Variants in SLC2A9 observed in about 807,000 individuals in gnomAD.
SLC2A9 encodes the protein solute carrier family 2 member 9.
SLC2A9 carries 39 observed loss-of-function variants against 50.6 expected under a neutral mutation model. The observed-to-expected ratio is 0.77, with a 90% CI of 0.60 to 1.01. The LOEUF is 1.01. Among genes scored for constraint, SLC2A9 ranks in the 50% least tolerant of loss-of-function variants. The pLI is 0.00. For missense variants in SLC2A9, 686 were observed against 677.6 expected, an observed-to-expected ratio of 1.01 and a Z score of -0.14; for synonymous variants, 324 against 276.9, an observed-to-expected ratio of 1.17 and a Z score of -1.69.
chr4:9,912,238 T>C (rs1454854787), intron 7 of SLC2A9, among the ~76,000 whole-genome samples: 1 of 151,944 alleles, frequency 6.6e-6, no homozygotes. Context: ...CATGTATACA[T>C]ATGTAACAAA....
At chr4:9,933,858 C>T (rs1746581736) in intron 6 of SLC2A9, among the ~76,000 whole-genome samples, 1 of 152,164 alleles carries the variant, frequency 6.6e-6, no homozygotes, top group Admixed American at 6.5e-5. Context: ...GGTCCCATTC[C>T]TCCATCTTCA....
chr4:9,778,915 A>G (rs1216771750), downstream of SLC2A9, among the ~76,000 whole-genome samples: 1 of 151,488 alleles, frequency 6.6e-6, no homozygotes, highest in Non-Finnish European at 1.5e-5. Flanking sequence ...TGCCTCCCGC[A>G]CACCACCATG....
chr4:9,902,964 T>A (rs1034455023), intron 8 of SLC2A9, among the ~76,000 whole-genome samples: 1 of 152,212 alleles, frequency 6.6e-6, no homozygotes, highest in Non-Finnish European at 1.5e-5. Context: ...ATGATTCCCA[T>A]GACAATACCT....
At chr4:9,776,456 C>A (rs1032741458), downstream of SLC2A9, among the ~76,000 whole-genome samples, 1 of 151,966 alleles carries the variant, frequency 6.6e-6, no homozygotes, top group Non-Finnish European at 1.5e-5. Context: ...ACCCCAGCTA[C>A]CTTGGACATC....
At chr4:9,816,846 T>TA (rs35268641) in intron 3 of SLC2A9, among the ~76,000 whole-genome samples, 81,011 of 151,782 alleles carry the variant, frequency 0.53, 22,950 homozygotes, top group Non-Finnish European at 0.65. Flanking sequence ...GACACGCACA[T>TA]ACACCCTCTT....
intron 10 of SLC2A9, among the ~76,000 whole-genome samples, chr4:9,845,843 G>A (rs2109266077): frequency 6.6e-6 from 1 of 152,276 alleles, no homozygotes; most frequent in South Asian, 2.1e-4. Context: ...TAAGCACCAT[G>A]TTTAAAAATA....
chr4:9,919,121 G>C (rs538915261), intron 7 of SLC2A9, among the ~76,000 whole-genome samples: 1 of 152,246 alleles, frequency 6.6e-6, no homozygotes, highest in South Asian at 2.1e-4. Flanking sequence ...TCAGGTGTTA[G>C]CTTGAAGAAA....
intron 3 of SLC2A9, among the ~76,000 whole-genome samples, chr4:9,989,884 G>A (rs1409229679): frequency 6.6e-6 from 1 of 151,874 alleles, no homozygotes; most frequent in Non-Finnish European, 1.5e-5. Flanking sequence ...CCTCTGCTTG[G>A]AGAGCTATTT....
chr4:9,962,221 A>T (rs929991740), intron 5 of SLC2A9, among the ~76,000 whole-genome samples: 1 of 152,252 alleles, frequency 6.6e-6, no homozygotes, highest in African/African-American at 2.4e-5. Context: ...TACTGGGTAT[A>T]TACCCAAATG....
intron 1 of SLC2A9, among the ~76,000 whole-genome samples, chr4:10,032,648 G>T (rs1373476721): frequency 6.6e-6 from 1 of 152,120 alleles, no homozygotes; most frequent in African/African-American, 2.4e-5. Flanking sequence ...CTAATCCAAG[G>T]ATCACAGGAG....
chr4:9,810,737 C>G (rs1300493707), intron 3 of SLC2A9, among the ~76,000 whole-genome samples: 1 of 152,194 alleles, frequency 6.6e-6, no homozygotes. Flanking sequence ...TAAGTATTTG[C>G]CATTTCTGGC....
At chr4:9,826,174 A>G, downstream of SLC2A9, 1 of 557,988 alleles carries the variant, frequency 1.8e-6, no homozygotes, top group Non-Finnish European at 3.2e-6. Context: ...TGCAGCTTCC[A>G]GAAGGGTTTG....
chr4:9,782,203 C>T, intron 3 of SLC2A9: 3 of 1,610,196 alleles, frequency 1.9e-6, no homozygotes, highest in African/African-American at 1.3e-5. Context: ...TGCTGGGCAA[C>T]GTGCTGGTGT....
At chr4:9,943,848 G>A (rs534588079) in intron 5 of SLC2A9, among the ~76,000 whole-genome samples, 25 of 152,196 alleles carry the variant, frequency 1.6e-4, no homozygotes, top group Admixed American at 3.9e-4. Flanking sequence ...CTCCTACCAC[G>A]TGCCGGATGT....
chr4:10,012,569 G>A (rs1285305146), intron 2 of SLC2A9, among the ~76,000 whole-genome samples: 4 of 152,156 alleles, frequency 2.6e-5, no homozygotes, highest in Admixed American at 6.5e-5. Context: ...AAATAAATTC[G>A]GTGAGGGCTA....
intron 10 of SLC2A9, among the ~76,000 whole-genome samples, chr4:9,869,775 G>C (rs1028787956): frequency 6.6e-6 from 1 of 152,258 alleles, no homozygotes; most frequent in Non-Finnish European, 1.5e-5. Context: ...GTTTTTGGTA[G>C]AGGAGGCCAA....
At chr4:9,940,373 C>T (rs954988602) in intron 6 of SLC2A9, among the ~76,000 whole-genome samples, 2 of 152,138 alleles carry the variant, frequency 1.3e-5, no homozygotes, top group African/African-American at 2.4e-5. Context: ...TCTCTGTGCA[C>T]GAGGGGTGTT....
rs139725113 is a variant in SLC2A9 at position 9,854,956 on chromosome 4, A to T, written c.1292-19948T>A. 5.0e-4 allele frequency among the ~76,000 whole-genome samples: 76 copies of T among 152,286 alleles called. 1 individual carries two copies. The East Asian group carries it at 8.5e-3, about 17-fold the overall frequency. ...CCACAACTTGGCATTGAAGGAACATACCCCAAAATAATAACAGCCATCTAT... is the reference window on the plus strand; with the variant it reads ...CCACAACTTGGCATTGAAGGAACATTCCCCAAAATAATAACAGCCATCTAT... On this transcript the variant is annotated intron_variant, in intron 10 of 11. Transcript: ENST00000264784.
chr4:9,944,971 G>C (rs1275745879), intron 5 of SLC2A9, among the ~76,000 whole-genome samples: 3 of 152,210 alleles, frequency 2.0e-5, no homozygotes, highest in South Asian at 4.1e-4. Flanking sequence ...ATCTCAATGA[G>C]TAAGTGCCTA....
Sources: gnomAD v4.1 joint callset for allele counts (sites outside exome capture counted in the v4.1 genomes callset) on GRCh38, gnomAD v4.1.1 for gene constraint, MANE v1.5 for transcripts, NCBI Gene and HGNC (gene_info 2026-07-23, HGNC 2026-07-21) for gene names.